Variants in STAU1 observed in about 807,000 individuals in gnomAD.
STAU1 encodes the protein double-stranded RNA-binding protein Staufen homolog 1.
A neutral mutation model predicts 62.9 loss-of-function variants in STAU1; 13 were observed. The observed-to-expected ratio is 0.21, with a 90% CI of 0.13 to 0.33. The LOEUF is 0.33. Ranked by LOEUF, STAU1 falls within the 10% of genes least tolerant of loss-of-function variation. STAU1 has a pLI of 1.00. For missense variants in STAU1, 571 were observed against 712.1 expected (o/e 0.80, Z 2.25); for synonymous variants, 269 against 265.1 (o/e 1.01, Z -0.14).
chr20:49,115,364 T>C (rs2092293614), intron 13 of STAU1, among the ~76,000 whole-genome samples: 1 of 152,012 alleles, frequency 6.6e-6, no homozygotes, highest in South Asian at 2.1e-4. Context: ...GCAGTGGCGC[T>C]ATGTCGGCTC....
At chr20:49,174,709 G>A (rs1265616005) in intron 1 of STAU1, among the ~76,000 whole-genome samples, 2 of 151,952 alleles carry the variant, frequency 1.3e-5, no homozygotes, top group Admixed American at 6.6e-5. Context: ...AGGCCGAGGC[G>A]GGTGGATCAC....
chr20:49,194,246 A>G, the STAU1 span, among the ~76,000 whole-genome samples: 1 of 151,892 alleles, frequency 6.6e-6, no homozygotes, highest in African/African-American at 2.4e-5. Flanking sequence ...CCTGAGAAAC[A>G]TGGAGAAACC....
chr20:49,128,244 T>A (rs1485068247), intron 6 of STAU1, among the ~76,000 whole-genome samples: 1 of 152,146 alleles, frequency 6.6e-6, no homozygotes, highest in East Asian at 1.9e-4. Flanking sequence ...CAGGATCACT[T>A]GAGCTCAGGA....
At chr20:49,213,575 C>T in the STAU1 span, among the ~76,000 whole-genome samples, 2 of 152,166 alleles carry the variant, frequency 1.3e-5, no homozygotes, top group Non-Finnish European at 2.9e-5. Flanking sequence ...GAAAAGAACA[C>T]TCTTGCATTT....
chr20:49,166,988 C>G (rs2093535722), intron 2 of STAU1, among the ~76,000 whole-genome samples: 1 of 152,042 alleles, frequency 6.6e-6, no homozygotes, highest in Admixed American at 6.6e-5. Context: ...CTATTAAAAG[C>G]AAAAGTGGAG....
the STAU1 span, among the ~76,000 whole-genome samples, chr20:49,199,762 C>T: frequency 2.0e-5 from 3 of 151,624 alleles, no homozygotes; most frequent in African/African-American, 4.8e-5. Context: ...TTAGTAGAGA[C>T]GGGGTTTCAC....
intron 3 of STAU1, among the ~76,000 whole-genome samples, chr20:49,156,807 CCTT>C (rs2093364443): frequency 1.3e-5 from 2 of 152,154 alleles, no homozygotes; most frequent in South Asian, 2.1e-4. Context: ...CCTGTCATCC[CCTT>C]CTTATCCTTT....
At chr20:49,126,588 C>CAAAAAAAAAAAAAAAAAAAAAAAAAAA in intron 6 of STAU1, among the ~76,000 whole-genome samples, 1 of 56,378 alleles carries the variant, frequency 1.8e-5, no homozygotes, top group Non-Finnish European at 3.7e-5. Flanking sequence ...AAAAAAAAAA[C>CAAAAAAAAAAAAAAAAAAAAAAAAAAA]AAAAAAAAAA....
chr20:49,196,493 A>C, the STAU1 span, among the ~76,000 whole-genome samples: 1 of 146,666 alleles, frequency 6.8e-6, no homozygotes, highest in Non-Finnish European at 1.5e-5. Flanking sequence ...AAGAAAAGAA[A>C]TAGCAACATG....
intron 1 of STAU1, among the ~76,000 whole-genome samples, chr20:49,177,223 T>G (rs2093671155): frequency 6.6e-6 from 1 of 151,036 alleles, no homozygotes; most frequent in Non-Finnish European, 1.5e-5. Context: ...GGTGTTCAGT[T>G]TTCTAGCCCA....
At chr20:49,193,774 C>T in the STAU1 span, among the ~76,000 whole-genome samples, 2 of 151,876 alleles carry the variant, frequency 1.3e-5, no homozygotes, top group Non-Finnish European at 2.9e-5. Flanking sequence ...CAAGACCATC[C>T]TGGCGAACAC....
At chr20:49,185,171 A>C (rs563510436) in intron 1 of STAU1, among the ~76,000 whole-genome samples, 1 of 152,334 alleles carries the variant, frequency 6.6e-6, no homozygotes, top group South Asian at 2.1e-4. Flanking sequence ...TTCTTAACCT[A>C]AGGTAACAGC....
At chr20:49,202,151 C>T in the STAU1 span, among the ~76,000 whole-genome samples, 1 of 147,334 alleles carries the variant, frequency 6.8e-6, no homozygotes. Context: ...ACCCGGGAGG[C>T]GGAGCTTGCA....
At chr20:49,210,348 T>C in the STAU1 span, 1 of 449,140 alleles carries the variant, frequency 2.2e-6, no homozygotes, top group Admixed American at 2.4e-5. Flanking sequence ...TATACAATGC[T>C]AGGTTAGAAA....
intron 6 of STAU1, among the ~76,000 whole-genome samples, chr20:49,125,197 G>GCAAAAAAAAAAA (rs2092572196): frequency 9.0e-5 from 1 of 11,096 alleles, no homozygotes; most frequent in African/African-American, 3.0e-4. Flanking sequence ...GCTCATTTTT[G>GCAAAAAAAAAAA]CAAAAAAAAA....
chr20:49,141,373 G>T (rs1022221989), intron 5 of STAU1, among the ~76,000 whole-genome samples: 5 of 152,156 alleles, frequency 3.3e-5, no homozygotes, highest in African/African-American at 1.2e-4. Context: ...TGGTTTGTTT[G>T]AAGTCAGGAG....
chr20:49,116,537 C>T (rs951445377), intron 12 of STAU1, among the ~76,000 whole-genome samples: 2 of 152,010 alleles, frequency 1.3e-5, no homozygotes, highest in Admixed American at 6.6e-5. Context: ...TGGGGTTTCA[C>T]CACGTTGGCC....
intron 3 of STAU1, among the ~76,000 whole-genome samples, chr20:49,154,684 T>G (rs1279905883): frequency 1.3e-5 from 2 of 151,834 alleles, no homozygotes; most frequent in African/African-American, 4.8e-5. Flanking sequence ...GCTAACATGG[T>G]GAAACCCTAT....
intron 1 of STAU1, among the ~76,000 whole-genome samples, chr20:49,178,774 T>C (rs1229242065): frequency 7.1e-6 from 1 of 141,674 alleles, no homozygotes; most frequent in Non-Finnish European, 1.5e-5. Flanking sequence ...AATAAAAATA[T>C]AAAAATTAGC....
Sources: gnomAD v4.1 joint callset for allele counts (sites outside exome capture counted in the v4.1 genomes callset) on GRCh38, gnomAD v4.1.1 for gene constraint, MANE v1.5 for transcripts, NCBI Gene and HGNC (gene_info 2026-07-23, HGNC 2026-07-21) for gene names.